The following SPOP variants were observed in gnomAD, a reference collection of about 807,000 sequenced individuals.
The protein encoded by SPOP is speckle-type POZ protein.
In SPOP, 11 loss-of-function variants were observed where a neutral mutation model predicts 45.6. That is an observed-to-expected ratio of 0.24 (90% CI 0.15 to 0.40). SPOP has a LOEUF of 0.40. Among genes scored for constraint, SPOP ranks in the 10% least tolerant of loss-of-function variants. The pLI is 1.00. For synonymous variants in SPOP, 166 were observed against 166.3 expected, an observed-to-expected ratio of 1.00 and a Z score of 0.01; for missense variants, 152 against 465.6, an observed-to-expected ratio of 0.33 and a Z score of 6.20.
At chr17:49,604,108 A>G (rs558128966) in intron 8 of SPOP, among the ~76,000 whole-genome samples, 3 of 152,250 alleles carry the variant, frequency 2.0e-5, no homozygotes, top group Admixed American at 6.5e-5. Flanking sequence ...CATGATGTGT[A>G]TAAGTACAAG....
At chr17:49,635,842 C>T (rs2143400582) in intron 1 of SPOP, among the ~76,000 whole-genome samples, 1 of 152,016 alleles carries the variant, frequency 6.6e-6, no homozygotes, top group Admixed American at 6.5e-5. Context: ...CCATGTTGGC[C>T]AGGCTGGTCT....
intron 1 of SPOP, among the ~76,000 whole-genome samples, chr17:49,659,969 G>T (rs1242275600): frequency 2.0e-5 from 3 of 152,136 alleles, no homozygotes; most frequent in Non-Finnish European, 4.4e-5. Context: ...ATAATTAAAT[G>T]AATTCTTTCT....
chr17:49,638,513 C>T (rs769607985), intron 1 of SPOP, among the ~76,000 whole-genome samples: 3 of 151,790 alleles, frequency 2.0e-5, no homozygotes, highest in Non-Finnish European at 4.4e-5. Flanking sequence ...CACTTGAACC[C>T]CACAGTGGTT....
At chr17:49,639,717 C>T (rs1422478360) in intron 1 of SPOP, among the ~76,000 whole-genome samples, 1 of 151,954 alleles carries the variant, frequency 6.6e-6, no homozygotes, top group African/African-American at 2.4e-5. Context: ...TAGAATGAAT[C>T]CTAGGTGGTA....
At chr17:49,608,848 C>T (rs2071906729) in intron 6 of SPOP, among the ~76,000 whole-genome samples, 1 of 151,628 alleles carries the variant, frequency 6.6e-6, no homozygotes, top group Non-Finnish European at 1.5e-5. Flanking sequence ...TAACAGAGAA[C>T]TGGAAATTTT....
At chr17:49,653,557 A>G (rs900976694) in intron 1 of SPOP, among the ~76,000 whole-genome samples, 1 of 152,026 alleles carries the variant, frequency 6.6e-6, no homozygotes, top group Non-Finnish European at 1.5e-5. Flanking sequence ...ATATCTAAAC[A>G]TAAGCACAAG....
intron 1 of SPOP, among the ~76,000 whole-genome samples, chr17:49,648,719 C>A (rs771295195): frequency 6.6e-6 from 1 of 152,138 alleles, no homozygotes; most frequent in Non-Finnish European, 1.5e-5. Context: ...CTTTTCAGTG[C>A]CCAACAGAGT....
intron 1 of SPOP, among the ~76,000 whole-genome samples, chr17:49,625,774 C>A (rs1217431970): frequency 6.6e-6 from 1 of 151,892 alleles, no homozygotes; most frequent in Non-Finnish European, 1.5e-5. Flanking sequence ...AAGTAAAAAA[C>A]AACAACAACA....
chr17:49,628,520 G>C (rs1193034697), intron 1 of SPOP, among the ~76,000 whole-genome samples: 2 of 150,272 alleles, frequency 1.3e-5, no homozygotes, highest in Non-Finnish European at 2.9e-5. Context: ...TTGGAGGACA[G>C]ACAGAAGGAC....
chr17:49,606,930 C>A, intron 8 of SPOP: 1 of 245,540 alleles, frequency 4.1e-6, no homozygotes, highest in South Asian at 9.5e-5. Context: ...AAGCACAATC[C>A]AAATGTTAGT....
At chr17:49,677,690 G>C (rs979328631) in intron 1 of SPOP, among the ~76,000 whole-genome samples, 5 of 152,228 alleles carry the variant, frequency 3.3e-5, no homozygotes, top group Non-Finnish European at 7.3e-5. Flanking sequence ...GAAATGATGG[G>C]GGGGCTGAAG....
At chr17:49,613,068 C>A (rs2072009356) in intron 5 of SPOP, 1 of 152,156 alleles carries the variant, frequency 6.6e-6, no homozygotes, top group Non-Finnish European at 1.5e-5. Context: ...GCATTAGTAT[C>A]ACATTTATCA....
At chr17:49,622,088 A>C (rs768190994) in intron 2 of SPOP, 21 bp from the exon 3 acceptor site, 4 of 1,610,978 alleles carry the variant, frequency 2.5e-6, no homozygotes, top group Non-Finnish European at 3.4e-6. Context: ...AAAAACAGGA[A>C]GCAATTAAAT....
At chr17:49,612,771 T>G (rs1035229257) in intron 5 of SPOP, 6 of 152,204 alleles carry the variant, frequency 3.9e-5, no homozygotes, top group African/African-American at 1.2e-4. Flanking sequence ...AAAGCAGAAC[T>G]CACAAACCTT....
Position 49,600,272 on chromosome 17 carries a change from A to T in SPOP, c.*106T>A. The T allele has an allele frequency of 6.8e-7, 1 of 1,476,250 alleles. No individual in the cohort carries two copies. Among genetic ancestry groups the T allele is most frequent in the Non-Finnish European group, 9.3e-7 (1 of 1,071,544 alleles). 91.4% of individuals were successfully genotyped at this position (1,476,250 alleles called of 1,614,324 possible). On this transcript the variant is annotated 3_prime_UTR_variant, in exon 10 of 10. Coordinates refer to ENST00000504102, the MANE Select transcript of SPOP (RefSeq NM_001007228.2). This position sits in a 1 kb window ranked among gnomAD's most constrained non-coding sequence, Gnocchi z 4.2. ...CCACAATGCAGTCTCTTCCCCTCACAACAGAGTAAAAGCTCCACAGATTGC... is the reference window on the plus strand; with the variant it reads ...CCACAATGCAGTCTCTTCCCCTCACTACAGAGTAAAAGCTCCACAGATTGC...
At chr17:49,622,645 A>G in intron 2 of SPOP, 88 bp downstream of exon 2, 2 of 1,124,382 alleles carry the variant, frequency 1.8e-6, no homozygotes, top group Non-Finnish European at 2.7e-6. Flanking sequence ...AGAAAGCAAG[A>G]AGCCCAATGT....
At chr17:49,629,014 T>C (rs532288714) in intron 1 of SPOP, among the ~76,000 whole-genome samples, 19 of 152,160 alleles carry the variant, frequency 1.2e-4, no homozygotes, top group East Asian at 3.9e-4. Flanking sequence ...GAGCCCGAGG[T>C]GGGCGGATCA....
chr17:49,616,089 C>T (rs987750127), intron 5 of SPOP, among the ~76,000 whole-genome samples: 1 of 152,122 alleles, frequency 6.6e-6, no homozygotes, highest in African/African-American at 2.4e-5. Context: ...GTCATATCAC[C>T]CTGAACACGC....
chr17:49,643,856 G>C (rs961574316), intron 1 of SPOP, among the ~76,000 whole-genome samples: 3 of 151,732 alleles, frequency 2.0e-5, no homozygotes, highest in Non-Finnish European at 4.4e-5. Flanking sequence ...CTTGAACCCA[G>C]GAGGCAGAGG....
Sources: allele counts gnomAD v4.1 joint callset (sites outside exome capture counted in the v4.1 genomes callset), GRCh38; gene constraint gnomAD v4.1.1; non-coding constraint Gnocchi (gnomAD v3.1); transcripts MANE v1.5; gene names NCBI Gene and HGNC (gene_info 2026-07-23, HGNC 2026-07-21).